The following TUBA1C variants were observed in gnomAD, a reference collection of about 807,000 sequenced individuals.
TUBA1C encodes the protein tubulin alpha-1C chain.
Under a neutral mutation model 34.9 loss-of-function variants are expected in TUBA1C, and 16 were observed. That is an observed-to-expected ratio of 0.46 (90% CI 0.31 to 0.70). TUBA1C has a LOEUF of 0.70. Among genes scored for constraint, TUBA1C ranks in the 30% least tolerant of loss-of-function variants. The pLI is 0.05. For missense variants in TUBA1C, 329 were observed against 587.3 expected, an observed-to-expected ratio of 0.56 and a Z score of 4.55; for synonymous variants, 177 against 215.9, an observed-to-expected ratio of 0.82 and a Z score of 1.58.
At chr12:49,267,734 C>T (rs938498230) in intron 1 of TUBA1C, among the ~76,000 whole-genome samples, 10 of 152,044 alleles carry the variant, frequency 6.6e-5, no homozygotes, top group Non-Finnish European at 1.3e-4. Context: ...GTGAGTAGAC[C>T]CAGGTGATAC....
At chr12:49,251,377 C>T (rs960026523) in intron 1 of TUBA1C, among the ~76,000 whole-genome samples, 7 of 152,092 alleles carry the variant, frequency 4.6e-5, no homozygotes, top group African/African-American at 1.7e-4. Flanking sequence ...TTCAATATTA[C>T]TCTGATACTA....
Position 49,234,027 on chromosome 12 carries a change from G to A in TUBA1C, c.213+5861G>A, listed in dbSNP as rs147378038. 15 of 152,384 alleles carry A rather than the reference G, an allele frequency of 9.8e-5. No individual in the cohort carries two copies. In the East Asian group the frequency reaches 2.9e-3, roughly 29 times the overall value. 9.4% of individuals were successfully genotyped at this position (152,384 alleles called of 1,614,324 possible). A position where few individuals can be genotyped will look rare whatever the true frequency, so the allele number is the denominator to read the frequency against. ...GTGGTACCACAAGGCTCTCCCACTG[G>A]ATGACGGTGACGCGCAATAAGCAGA... On this transcript the variant is annotated intron_variant, in intron 1 of 3. Coordinates refer to the TUBA1C transcript ENST00000541364.
rs11542115 is a variant in TUBA1C at position 49,273,032 on chromosome 12, C to T, written c.1155C>T (p.Ala385=). The part of the protein sequence containing the change: ...VCMLSNTTAV[A]EAWARLDHKF... ...TGCTGAGCAATACCACAGCTGTTGC[C>T]GAGGCCTGGGCTCGCCTGGACCACA... The change falls in exon 4 of 4, where the codon GCC becomes GCT. Residue 385 remains alanine, a synonymous_variant. Coordinates refer to ENST00000301072, the MANE Select transcript of TUBA1C (RefSeq NM_032704.5). The T allele has an allele frequency of 0.015, 24,477 of 1,614,140 alleles. 285 individuals carry two copies. The highest frequency in any genetic ancestry group is 0.043 in the Admixed American group (2,579 of 60,022).
At position 49,236,926 on chromosome 12, in the gene TUBA1C, T is replaced by C. The variant is rs535090829; in HGVS notation, c.213+8760T>C. ...CCACCATCATTAATGAGGTCCACCA[T>C]TGACTGAAACATCATTATGCAAAGC... On this transcript the variant is annotated intron_variant, in intron 1 of 3. Transcript: ENST00000541364. 2.0e-5 allele frequency among the ~76,000 whole-genome samples: 3 copies of C among 152,328 alleles called. No homozygotes were observed. The South Asian group carries it at 6.2e-4, about 32-fold the overall frequency.
At chr12:49,270,065 T>C in intron 3 of TUBA1C, 89 bp downstream of exon 3, 1 of 1,610,426 alleles carries the variant, frequency 6.2e-7, no homozygotes, top group Non-Finnish European at 8.5e-7. Context: ...GCAACTAAAA[T>C]GAGACTATTT....
In TUBA1C at chr12:49,239,649, A is replaced by G. The variant is rs1030282294; in HGVS notation, c.213+11483A>G. Reference sequence around the variant, plus strand: ...GAGTAAGACTCTGTCTCAAAAAGAAAAAAAAAAAAAAGAAATAAATTGCGT... The same window carrying G: ...GAGTAAGACTCTGTCTCAAAAAGAAGAAAAAAAAAAAGAAATAAATTGCGT... On this transcript the variant is annotated intron_variant, in intron 1 of 3. Coordinates refer to the TUBA1C transcript ENST00000541364. 5.3e-5 allele frequency among the ~76,000 whole-genome samples: 8 copies of G among 151,582 alleles called. No homozygotes were observed. In the East Asian group the frequency reaches 1.6e-3, roughly 29 times the overall value.
intron 1 of TUBA1C, among the ~76,000 whole-genome samples, chr12:49,236,425 A>G (rs1942555672): frequency 6.6e-6 from 1 of 152,236 alleles, no homozygotes; most frequent in African/African-American, 2.4e-5. Flanking sequence ...CATGTTATCA[A>G]GCATAGTTCT....
At chr12:49,236,073 G>A (rs540011556) in intron 1 of TUBA1C, among the ~76,000 whole-genome samples, 78 of 152,364 alleles carry the variant, frequency 5.1e-4, no homozygotes, top group Admixed American at 1.4e-3. Flanking sequence ...ATTAATCTGG[G>A]AGTAGGGAGA....
At chr12:49,241,962 T>C (rs1266419652) in intron 1 of TUBA1C, among the ~76,000 whole-genome samples, 1 of 150,048 alleles carries the variant, frequency 6.7e-6, no homozygotes, top group East Asian at 2.0e-4. Context: ...TATACATATT[T>C]TCATCAAAAC....
At chr12:49,234,363 A>G (rs1942527519) in intron 1 of TUBA1C, among the ~76,000 whole-genome samples, 1 of 152,266 alleles carries the variant, frequency 6.6e-6, no homozygotes, top group Non-Finnish European at 1.5e-5. Flanking sequence ...AATCAAGTCC[A>G]CCCTGTTTAG....
At chr12:49,269,226 AT>A (rs375929083) in intron 1 of TUBA1C, among the ~76,000 whole-genome samples, 1 of 151,566 alleles carries the variant, frequency 6.6e-6, no homozygotes, top group African/African-American at 2.4e-5. Flanking sequence ...TGCCTGGCTA[AT>A]TTTTTTTGTA....
intron 1 of TUBA1C, among the ~76,000 whole-genome samples, chr12:49,240,075 C>T (rs1220315912): frequency 6.6e-6 from 1 of 150,492 alleles, no homozygotes; most frequent in Non-Finnish European, 1.5e-5. Context: ...CACACACACA[C>T]ACCCTGCCTT....
chr12:49,240,035 GACACACACACACACACACACACAC>G (rs5798100), intron 1 of TUBA1C, among the ~76,000 whole-genome samples: 2 of 138,682 alleles, frequency 1.4e-5, no homozygotes, highest in Non-Finnish European at 3.1e-5. Context: ...TCAGAGCACA[GACACACACACACACACACACACAC>G]ACACACACAC....
intron 1 of TUBA1C, among the ~76,000 whole-genome samples, chr12:49,232,358 C>T (rs1032002812): frequency 1.3e-5 from 2 of 152,182 alleles, no homozygotes; most frequent in Non-Finnish European, 2.9e-5. Flanking sequence ...GATATGAACT[C>T]ATTGCAGCCT....
Position 49,273,343 on chromosome 12 carries a change from T to C in TUBA1C, c.*116T>C, listed in dbSNP as rs948102383. 1.9e-6 allele frequency: 3 copies of C among 1,580,876 alleles called. No individual in the cohort carries two copies. The Admixed American group carries it at 5.1e-5, about 27-fold the overall frequency. On this transcript the variant is annotated 3_prime_UTR_variant, in exon 4 of 4. Coordinates refer to ENST00000301072, the MANE Select transcript of TUBA1C (RefSeq NM_032704.5). ...GAAGTTTCCATTTTAAATGTCGAGC[T>C]GACTTAAATACTTGATCCAGTTAAA...
chr12:49,250,481 G>A (rs1410854908), intron 1 of TUBA1C, among the ~76,000 whole-genome samples: 2 of 144,254 alleles, frequency 1.4e-5, no homozygotes, highest in East Asian at 2.0e-4. Context: ...CCGAGATCGC[G>A]CCACTGCACT....
At chr12:49,250,075 G>A (rs1258272915) in intron 1 of TUBA1C, among the ~76,000 whole-genome samples, 1 of 152,018 alleles carries the variant, frequency 6.6e-6, no homozygotes, top group East Asian at 1.9e-4. Flanking sequence ...GCGGGTGCCT[G>A]TAATCCCAGT....
At chr12:49,231,505 T>C (rs1308799166) in intron 1 of TUBA1C, among the ~76,000 whole-genome samples, 1 of 152,174 alleles carries the variant, frequency 6.6e-6, no homozygotes, top group African/African-American at 2.4e-5. Context: ...GCATGTGTAA[T>C]ACCTTGCTGG....
intron 1 of TUBA1C, among the ~76,000 whole-genome samples, chr12:49,248,307 C>T (rs1208815857): frequency 6.6e-6 from 1 of 151,976 alleles, no homozygotes; most frequent in Admixed American, 6.6e-5. Flanking sequence ...AAGTGGCTCA[C>T]ACCCATAAGC....
Sources: gnomAD v4.1 joint callset for allele counts (sites outside exome capture counted in the v4.1 genomes callset) on GRCh38, gnomAD v4.1.1 for gene constraint, MANE v1.5 for transcripts, NCBI Gene and HGNC (gene_info 2026-07-23, HGNC 2026-07-21) for gene names.